NUBPL: variants seen among roughly 807,000 people sequenced by gnomAD.
NUBPL encodes the protein iron-sulfur cluster transfer protein NUBPL.
NUBPL carries 31 observed loss-of-function variants against 45.7 expected under a neutral mutation model. The ratio of observed to expected loss-of-function variants is 0.68; its 90% CI spans 0.51 to 0.92. The LOEUF (loss-of-function observed/expected upper bound fraction) is 0.92. Ranked by LOEUF, NUBPL falls within the 40% of genes least tolerant of loss-of-function variation. NUBPL has a pLI of 0.00. For missense variants in NUBPL, 401 were observed against 398.7 expected (o/e 1.01, Z -0.05); for synonymous variants, 144 against 140.9 (o/e 1.02, Z -0.15).
intron 8 of NUBPL, among the ~76,000 whole-genome samples, chr14:31,840,756 C>T (rs1265909777): frequency 1.3e-5 from 2 of 152,046 alleles, no homozygotes; most frequent in East Asian, 3.9e-4. Context: ...TTACCAGGGG[C>T]TGGGCAGCAG....
chr14:31,666,258 TATA>T (rs368449004), intron 4 of NUBPL, among the ~76,000 whole-genome samples: 6,084 of 59,198 alleles, frequency 0.1, 544 homozygotes, highest in African/African-American at 0.26. Context: ...TATATATATA[TATA>T]TAATTTTATT....
intron 4 of NUBPL, among the ~76,000 whole-genome samples, chr14:31,611,933 A>C (rs2034770390): frequency 6.6e-6 from 1 of 152,260 alleles, no homozygotes; most frequent in Non-Finnish European, 1.5e-5. Flanking sequence ...AAAATGGATG[A>C]AAAACTTTGA....
chr14:31,734,685 T>C lies in NUBPL; in HGVS notation c.514-53095T>C, dbSNP rs980043272. On this transcript the variant is annotated intron_variant, in intron 6 of 10. Transcript: ENST00000281081. ...GAATTTTTTGAATTATAAATATACG[T>C]GTCTATGAGTTTTCCCCTACATAAA... Among the ~76,000 whole-genome samples the C allele has an allele frequency of 2.0e-5, 3 of 152,224 alleles. No homozygotes were observed. The South Asian group carries it at 6.2e-4, about 32-fold the overall frequency.
chr14:31,750,432 C>A (rs1009050711), intron 6 of NUBPL, among the ~76,000 whole-genome samples: 7 of 150,816 alleles, frequency 4.6e-5, no homozygotes, highest in African/African-American at 1.7e-4. Context: ...CTCCTGACCT[C>A]GTGATCCTCC....
At chr14:31,700,831 C>A (rs970992531) in intron 6 of NUBPL, among the ~76,000 whole-genome samples, 2 of 152,196 alleles carry the variant, frequency 1.3e-5, no homozygotes, top group African/African-American at 2.4e-5. Flanking sequence ...CCCCCTCCCC[C>A]CCACCACCGT....
At chr14:31,702,854 C>T (rs2037369052) in intron 6 of NUBPL, among the ~76,000 whole-genome samples, 1 of 152,222 alleles carries the variant, frequency 6.6e-6, no homozygotes, top group Non-Finnish European at 1.5e-5. Context: ...GACTTCCATT[C>T]TCCTAAACCT....
At chr14:31,665,953 T>C (rs2139785352) in intron 4 of NUBPL, among the ~76,000 whole-genome samples, 1 of 152,066 alleles carries the variant, frequency 6.6e-6, no homozygotes, top group African/African-American at 2.4e-5. Flanking sequence ...ATGCTTCTTG[T>C]TGCATTGATC....
At chr14:31,654,334 G>A (rs2036087479) in intron 4 of NUBPL, among the ~76,000 whole-genome samples, 1 of 151,980 alleles carries the variant, frequency 6.6e-6, no homozygotes, top group African/African-American at 2.4e-5. Flanking sequence ...GGTGTTGCCT[G>A]CATGTGAATT....
intron 7 of NUBPL, among the ~76,000 whole-genome samples, chr14:31,812,983 C>CT (rs33986436): frequency 9.1e-4 from 96 of 105,068 alleles, no homozygotes; most frequent in African/African-American, 1.7e-3. Context: ...CTTGTTAGTT[C>CT]TTTTTTTTTT....
chr14:31,571,023 G>C (rs1282329490), intron 3 of NUBPL, among the ~76,000 whole-genome samples: 25 of 152,096 alleles, frequency 1.6e-4, no homozygotes, highest in Non-Finnish European at 2.9e-5. Flanking sequence ...TACCTTTCTG[G>C]GTTTATCTTT....
intron 4 of NUBPL, among the ~76,000 whole-genome samples, chr14:31,670,168 C>T (rs1381608670): frequency 6.6e-6 from 1 of 152,102 alleles, no homozygotes; most frequent in Non-Finnish European, 1.5e-5. Flanking sequence ...TTAATAATAG[C>T]CATTCTGACT....
In NUBPL at chr14:31,562,099, AAAG is replaced by A. The variant is rs1566413462; in HGVS notation, c.146_148del (p.Arg49del). 3 of 1,610,694 alleles carry A rather than the reference AAAG, an allele frequency of 1.9e-6. No homozygotes were observed. The highest frequency in any genetic ancestry group is 2.5e-6 in the Non-Finnish European group (3 of 1,177,962). Reference sequence around the variant, plus strand: ...GGCGCCGGGAGTGAGACCCTAAAACAAAGAAGAACACAAATCATGTCCCGAGGA... The same window carrying A: ...GGCGCCGGGAGTGAGACCCTAAAACAAAGAACACAAATCATGTCCCGAGGA... On this transcript the variant is annotated inframe_deletion, in exon 2 of 11. Coordinates refer to ENST00000281081, the MANE Select transcript of NUBPL (RefSeq NM_025152.3).
chr14:31,613,652 T>G (rs1461462298), intron 4 of NUBPL, among the ~76,000 whole-genome samples: 2 of 152,192 alleles, frequency 1.3e-5, no homozygotes, highest in East Asian at 3.9e-4. Flanking sequence ...GAGATGGGGT[T>G]TCACCATGTT....
intron 4 of NUBPL, among the ~76,000 whole-genome samples, chr14:31,645,355 T>C (rs1262524169): frequency 6.6e-6 from 1 of 152,202 alleles, no homozygotes; most frequent in African/African-American, 2.4e-5. Flanking sequence ...CGTGAGCCAC[T>C]GCACCCAGCT....
chr14:31,700,477 TG>T, intron 6 of NUBPL, among the ~76,000 whole-genome samples: 1 of 152,278 alleles, frequency 6.6e-6, no homozygotes, highest in Non-Finnish European at 1.5e-5. Flanking sequence ...ACTGCTGCAC[TG>T]TGGGAGCCCC....
chr14:31,641,070 G>A (rs968011483), intron 4 of NUBPL, among the ~76,000 whole-genome samples: 5 of 151,956 alleles, frequency 3.3e-5, no homozygotes, highest in African/African-American at 1.2e-4. Flanking sequence ...TTCTGCCTCA[G>A]CCTCCCCTGT....
At chr14:31,670,370 C>T (rs8005857) in intron 4 of NUBPL, among the ~76,000 whole-genome samples, 23,890 of 152,026 alleles carry the variant, frequency 0.16, 5,336 homozygotes, top group African/African-American at 0.5. Flanking sequence ...GGCTTGATAT[C>T]GGACCTTTGT....
chr14:31,712,102 G>A, intron 6 of NUBPL, among the ~76,000 whole-genome samples: 1 of 152,168 alleles, frequency 6.6e-6, no homozygotes, highest in East Asian at 1.9e-4. Flanking sequence ...CTGCTGGCTG[G>A]GGTGGCCTGC....
At chr14:31,744,849 C>T (rs1043130191) in intron 6 of NUBPL, among the ~76,000 whole-genome samples, 7 of 151,376 alleles carry the variant, frequency 4.6e-5, no homozygotes, top group African/African-American at 9.7e-5. Flanking sequence ...CTTGAACTCC[C>T]GACCTTGTGT....
Sources: allele counts gnomAD v4.1 joint callset (sites outside exome capture counted in the v4.1 genomes callset), GRCh38; gene constraint gnomAD v4.1.1; transcripts MANE v1.5; gene names NCBI Gene and HGNC (gene_info 2026-07-23, HGNC 2026-07-21).